WDFY2: variants seen among roughly 807,000 people sequenced by gnomAD.
The protein encoded by WDFY2 is WD repeat and FYVE domain containing 2, also known as WD repeat and FYVE domain-containing protein 2.
A neutral mutation model predicts 56.4 loss-of-function variants in WDFY2; 36 were observed. The ratio of observed to expected loss-of-function variants is 0.64; its 90% CI spans 0.49 to 0.84. WDFY2 has a LOEUF of 0.84. Among genes scored for constraint, WDFY2 ranks in the 40% least tolerant of loss-of-function variants. WDFY2 has a pLI of 0.00. For synonymous variants in WDFY2, 176 were observed against 183.7 expected, an observed-to-expected ratio of 0.96 and a Z score of 0.34; for missense variants, 444 against 512.2, an observed-to-expected ratio of 0.87 and a Z score of 1.29.
At chr13:51,747,321 G>A (rs1298700020) in intron 7 of WDFY2, among the ~76,000 whole-genome samples, 1 of 152,088 alleles carries the variant, frequency 6.6e-6, no homozygotes, top group Non-Finnish European at 1.5e-5. Flanking sequence ...TTTCCCCAAG[G>A]GTAAAAACAT....
At chr13:51,660,096 C>T (rs550434528) in intron 1 of WDFY2, among the ~76,000 whole-genome samples, 6 of 152,064 alleles carry the variant, frequency 3.9e-5, no homozygotes, top group South Asian at 4.2e-4. Flanking sequence ...ATGTAGAAGC[C>T]GCAAGTTTAA....
intron 1 of WDFY2, among the ~76,000 whole-genome samples, chr13:51,640,333 A>C (rs898772224): frequency 1.3e-5 from 2 of 152,226 alleles, no homozygotes; most frequent in Admixed American, 6.5e-5. Context: ...AAATATATAC[A>C]ACACACAGAA....
Position 51,760,073 on chromosome 13 carries a change from T to C in WDFY2, c.*304T>C, listed in dbSNP as rs1165583234. 1 of 282,414 alleles carries C rather than the reference T, an allele frequency of 3.5e-6. No homozygotes were observed. The highest frequency in any genetic ancestry group is 2.2e-5 in the African/African-American group (1 of 46,058). 17.5% of individuals were successfully genotyped at this position (282,414 alleles called of 1,614,324 possible). A position where few individuals can be genotyped will look rare whatever the true frequency, so the allele number is the denominator to read the frequency against. Reference sequence around the variant, plus strand: ...ATCTGTGTGGGGTGTTTAATTTTTATACTTTTCAACACCCCATTTTACTTG... The same window carrying C: ...ATCTGTGTGGGGTGTTTAATTTTTACACTTTTCAACACCCCATTTTACTTG... On this transcript the variant is annotated 3_prime_UTR_variant, in exon 12 of 12. Transcript: ENST00000298125.
At chr13:51,741,946 G>A (rs1566214955) in intron 7 of WDFY2, among the ~76,000 whole-genome samples, 2 of 152,202 alleles carry the variant, frequency 1.3e-5, no homozygotes, top group Non-Finnish European at 2.9e-5. Flanking sequence ...CTGGTGATGT[G>A]TGCTGATGCT....
chr13:51,681,141 C>T (rs1417468241), intron 3 of WDFY2, among the ~76,000 whole-genome samples: 1 of 152,152 alleles, frequency 6.6e-6, no homozygotes, highest in Admixed American at 6.5e-5. Context: ...GAATAAAGCA[C>T]TTCAGCTGTA....
intron 3 of WDFY2, among the ~76,000 whole-genome samples, chr13:51,689,963 A>G (rs1003837989): frequency 6.6e-6 from 1 of 152,086 alleles, no homozygotes; most frequent in African/African-American, 2.4e-5. Context: ...GAAATGTGCA[A>G]ATTGTATGCA....
At chr13:51,742,062 G>T (rs1952988016) in intron 7 of WDFY2, among the ~76,000 whole-genome samples, 1 of 152,210 alleles carries the variant, frequency 6.6e-6, no homozygotes, top group South Asian at 2.1e-4. Context: ...GGAAACCGGG[G>T]AGAGCAGACT....
chr13:51,585,106 G>A (rs959884641), intron 1 of WDFY2, among the ~76,000 whole-genome samples: 1 of 152,244 alleles, frequency 6.6e-6, no homozygotes, highest in African/African-American at 2.4e-5. Flanking sequence ...TGCGCTGGAG[G>A]GACTTTGGTC....
At chr13:51,709,933 T>G (rs1290368209) in intron 4 of WDFY2, among the ~76,000 whole-genome samples, 5 of 152,166 alleles carry the variant, frequency 3.3e-5, no homozygotes, top group African/African-American at 7.2e-5. Flanking sequence ...CAATTCATTT[T>G]ATGAGGCCAG....
chr13:51,749,268 C>T (rs1003548507), intron 7 of WDFY2, among the ~76,000 whole-genome samples: 16 of 152,040 alleles, frequency 1.1e-4, no homozygotes, highest in Admixed American at 9.2e-4. Flanking sequence ...ACTTACTAAA[C>T]CAAAGCTCTT....
chr13:51,708,488 G>T (rs999619626), intron 4 of WDFY2, among the ~76,000 whole-genome samples: 2 of 149,200 alleles, frequency 1.3e-5, no homozygotes, highest in Non-Finnish European at 3.0e-5. Flanking sequence ...CTAAATAATA[G>T]AATAAAATAA....
At position 51,743,982 on chromosome 13, in the gene WDFY2, G is replaced by A. The variant is rs556491470; in HGVS notation, c.725+4807G>A. On this transcript the variant is annotated intron_variant, in intron 7 of 11. Coordinates refer to ENST00000298125, the MANE Select transcript of WDFY2 (RefSeq NM_052950.4). ...GCCACCAAACAGCAGAACATCGCTG[G>A]TGCTCAAACCAGTGCCCCCAGACGG... Among the ~76,000 whole-genome samples the A allele has an allele frequency of 5.9e-5, 9 of 152,356 alleles. No homozygotes were observed. The East Asian group carries it at 1.7e-3, about 29-fold the overall frequency.
At position 51,653,786 on chromosome 13, in the gene WDFY2, C is replaced by T. The variant is rs181164584; in HGVS notation, c.138-6810C>T. Among the ~76,000 whole-genome samples, 27 of 150,940 alleles carry T rather than the reference C, an allele frequency of 1.8e-4. No homozygotes were observed. The East Asian group carries it at 2.5e-3, about 14-fold the overall frequency. On this transcript the variant is annotated intron_variant, in intron 1 of 11. Coordinates refer to ENST00000298125, the MANE Select transcript of WDFY2 (RefSeq NM_052950.4). ...CTGGAAGTTTTGTCTCAGAGGAGTA[C>T]CTGGCCGTGTGAGGTGTCAGTCTGC...
intron 7 of WDFY2, among the ~76,000 whole-genome samples, chr13:51,745,950 CTT>C (rs1240467253): frequency 1.4e-5 from 2 of 139,620 alleles, no homozygotes; most frequent in Non-Finnish European, 3.1e-5. Context: ...TTGCACTGGA[CTT>C]TTCTTTTTCT....
intron 1 of WDFY2, chr13:51,590,806 C>A (rs1303531704): frequency 6.6e-6 from 1 of 151,476 alleles, no homozygotes; most frequent in Non-Finnish European, 1.5e-5. Flanking sequence ...CTTCAGCAAG[C>A]AGTCTTCTCT....
chr13:51,600,488 G>A (rs1367374650), intron 1 of WDFY2, among the ~76,000 whole-genome samples: 1 of 152,138 alleles, frequency 6.6e-6, no homozygotes, highest in East Asian at 1.9e-4. Flanking sequence ...TTCTTTCTTA[G>A]TCCACATGGC....
At chr13:51,753,976 T>G (rs1593479863) in intron 8 of WDFY2, among the ~76,000 whole-genome samples, 1 of 150,512 alleles carries the variant, frequency 6.6e-6, no homozygotes, top group African/African-American at 2.5e-5. Flanking sequence ...GCCTGTAATC[T>G]CAGCTTCTCA....
chr13:51,666,146 T>G (rs1237937908), intron 2 of WDFY2, among the ~76,000 whole-genome samples: 1 of 152,212 alleles, frequency 6.6e-6, no homozygotes, highest in Non-Finnish European at 1.5e-5. Flanking sequence ...AAAGCCTGTT[T>G]GAGAGAAAGG....
Position 51,765,605 on chromosome 13 carries a change from A to G in WDFY2, c.*5836A>G, listed in dbSNP as rs1953721427. On this transcript the variant is annotated 3_prime_UTR_variant, in exon 12 of 12. Coordinates refer to ENST00000298125, the MANE Select transcript of WDFY2 (RefSeq NM_052950.4). Reference sequence around the variant, plus strand: ...TATTATTGGACATGCCTAGCCCATCACCAGTGACCTGCCCGCATATTGCTG... The same window carrying G: ...TATTATTGGACATGCCTAGCCCATCGCCAGTGACCTGCCCGCATATTGCTG... The G allele has an allele frequency of 6.6e-6, 1 of 152,192 alleles. No homozygotes were observed. The highest frequency in any genetic ancestry group is 1.5e-5 in the Non-Finnish European group (1 of 68,030). 9.4% of individuals were successfully genotyped at this position (152,192 alleles called of 1,614,324 possible). A position where few individuals can be genotyped will look rare whatever the true frequency, so the allele number is the denominator to read the frequency against.
Sources: gnomAD v4.1 joint callset for allele counts (sites outside exome capture counted in the v4.1 genomes callset) on GRCh38, gnomAD v4.1.1 for gene constraint, MANE v1.5 for transcripts, NCBI Gene and HGNC (gene_info 2026-07-23, HGNC 2026-07-21) for gene names.